CTBP2: variants seen among roughly 807,000 people sequenced by gnomAD.
The protein encoded by CTBP2 is C-terminal binding protein 2, also known as C-terminal-binding protein 2.
Under a neutral mutation model 80.3 loss-of-function variants are expected in CTBP2, and 30 were observed. The observed-to-expected ratio is 0.37, with a 90% CI of 0.28 to 0.51. The LOEUF (loss-of-function observed/expected upper bound fraction) is 0.51, where lower values mean the gene tolerates loss of function less well. Ranked by LOEUF, CTBP2 falls within the 20% of genes least tolerant of loss-of-function variation. CTBP2 has a pLI of 0.93. For synonymous variants in CTBP2, 594 were observed against 587.4 expected (o/e 1.01, Z -0.16); for missense variants, 1,212 against 1,375.3 (o/e 0.88, Z 1.88).
At chr10:125,093,088 C>G (rs75685420) in intron 2 of CTBP2, among the ~76,000 whole-genome samples, 181 of 152,328 alleles carry the variant, frequency 1.2e-3, no homozygotes, top group African/African-American at 3.7e-3. Context: ...AGTATCTCAG[C>G]CCCCTTCATC....
chr10:125,083,764 C>T (rs1225467730), intron 2 of CTBP2, among the ~76,000 whole-genome samples: 2 of 152,292 alleles, frequency 1.3e-5, no homozygotes, highest in East Asian at 1.9e-4. Flanking sequence ...CACGCACCAT[C>T]ACACCCAGCT....
At position 125,071,633 on chromosome 10, in the gene CTBP2, G is replaced by A. The variant is rs76586318; in HGVS notation, c.-101-32478C>T. Among the ~76,000 whole-genome samples, 184 of 152,296 alleles carry A rather than the reference G, an allele frequency of 1.2e-3. 1 individual carries two copies. The East Asian group carries it at 0.031, about 26-fold the overall frequency. On this transcript the variant is annotated intron_variant, in intron 2 of 10. Transcript: ENST00000337195. Reference sequence around the variant, plus strand: ...AAGGAACAGGAGAATGGACCAGTCCGCCAGGTTTTGAAGAGCTTTTTTAGA... The same window carrying A: ...AAGGAACAGGAGAATGGACCAGTCCACCAGGTTTTGAAGAGCTTTTTTAGA...
At chr10:125,061,786 T>C (rs1965019596) in intron 2 of CTBP2, among the ~76,000 whole-genome samples, 1 of 152,140 alleles carries the variant, frequency 6.6e-6, no homozygotes, top group African/African-American at 2.4e-5. Context: ...TCACTGCAAC[T>C]GTCACACCCT....
At chr10:125,135,640 GCACACAGGCAC>G in intron 1 of CTBP2, among the ~76,000 whole-genome samples, 2 of 152,228 alleles carry the variant, frequency 1.3e-5, no homozygotes, top group Non-Finnish European at 2.9e-5. Context: ...CCATCCCCAC[GCACACAGGCAC>G]CTCACCCTAT....
intron 1 of CTBP2, among the ~76,000 whole-genome samples, chr10:125,150,281 T>C (rs1172860185): frequency 6.6e-6 from 1 of 152,158 alleles, no homozygotes; most frequent in African/African-American, 2.4e-5. Context: ...TCTTACCTAT[T>C]GATGAAATGA....
intron 1 of CTBP2, among the ~76,000 whole-genome samples, chr10:125,117,703 T>C (rs2135994216): frequency 6.6e-6 from 1 of 152,380 alleles, no homozygotes; most frequent in East Asian, 1.9e-4. Context: ...TGCTGGATTA[T>C]TCCTTCCCGA....
intron 1 of CTBP2, among the ~76,000 whole-genome samples, chr10:125,008,850 A>C (rs1204879575): frequency 6.6e-6 from 1 of 152,256 alleles, no homozygotes; most frequent in East Asian, 1.9e-4. Flanking sequence ...AATTTAGCCT[A>C]AATATTTGCC....
Position 125,066,859 on chromosome 10 carries a change from G to A in CTBP2, c.-101-27704C>T, listed in dbSNP as rs958108968. 1.3e-5 allele frequency among the ~76,000 whole-genome samples: 2 copies of A among 152,152 alleles called. No individual in the cohort carries two copies. The highest frequency in any genetic ancestry group is 2.4e-5 in the African/African-American group (1 of 41,420). ...ACTCGAGAATCCAGAAGTCTCCAGG[G>A]AAGCCCAGTGTGTGCGACGTGCCTC... is the stretch of plus-strand genomic sequence containing the variant. On this transcript the variant is annotated intron_variant, in intron 2 of 10. Coordinates refer to the CTBP2 transcript ENST00000337195. The surrounding 1 kb of genome is among the most constrained non-coding windows in gnomAD (Gnocchi z 4.1).
intron 2 of CTBP2, among the ~76,000 whole-genome samples, chr10:125,049,207 G>A (rs890107003): frequency 2.0e-5 from 3 of 152,196 alleles, no homozygotes; most frequent in African/African-American, 7.2e-5. Context: ...GGAGAAGAAT[G>A]GGAGGGGCTG....
chr10:125,002,307 C>G (rs753295680), intron 3 of CTBP2, among the ~76,000 whole-genome samples: 1 of 152,202 alleles, frequency 6.6e-6, no homozygotes, highest in African/African-American at 2.4e-5. Flanking sequence ...CGAGCTCACA[C>G]GGGGTGCTGG....
At position 125,027,956 on chromosome 10, in the gene CTBP2, A is replaced by C; in HGVS notation, c.-197T>G. 7.2e-6 allele frequency: 10 copies of C among 1,387,534 alleles called. No individual in the cohort carries two copies. Among genetic ancestry groups the C allele is most frequent in the Non-Finnish European group, 9.3e-6 (10 of 1,071,078 alleles). 86.0% of individuals were successfully genotyped at this position (1,387,534 alleles called of 1,614,324 possible). ...CCTTAGCAGACAAAACATAAGACTC[A>C]CGGTAACTTTGCCTCACTCCCCAAC... is the stretch of plus-strand genomic sequence containing the variant. On this transcript the variant is annotated 5_prime_UTR_variant, in exon 1 of 9. Transcript: ENST00000309035.
chr10:125,001,747 C>G (rs1954539434), intron 3 of CTBP2, among the ~76,000 whole-genome samples: 1 of 152,188 alleles, frequency 6.6e-6, no homozygotes, highest in South Asian at 2.1e-4. Flanking sequence ...CGCCCGGCTC[C>G]CCAGCCCTGC....
intron 1 of CTBP2, among the ~76,000 whole-genome samples, chr10:125,013,155 C>T (rs1378911448): frequency 6.6e-6 from 1 of 152,144 alleles, no homozygotes; most frequent in African/African-American, 2.4e-5. Flanking sequence ...GCCCAAGCTC[C>T]GAGTTGTGAG....
In CTBP2 at chr10:124,986,814, C is replaced by T. The variant is rs1952056701; in HGVS notation, c.*2704G>A. The T allele has an allele frequency of 6.6e-6, 1 of 152,122 alleles. No individual in the cohort carries two copies. Among genetic ancestry groups the T allele is most frequent in the Non-Finnish European group, 1.5e-5 (1 of 68,024 alleles). 9.4% of individuals were successfully genotyped at this position (152,122 alleles called of 1,614,324 possible). Reference sequence around the variant, plus strand: ...TGCCTGTTAAGCAAAATCTGCCCTCCCAATTGAAAAAGCCAAAGAGAATTG... The same window carrying T: ...TGCCTGTTAAGCAAAATCTGCCCTCTCAATTGAAAAAGCCAAAGAGAATTG... On this transcript the variant is annotated 3_prime_UTR_variant, in exon 9 of 9. Transcript: ENST00000309035.
At chr10:125,041,035 T>C (rs1033839892) in intron 2 of CTBP2, among the ~76,000 whole-genome samples, 1 of 152,250 alleles carries the variant, frequency 6.6e-6, no homozygotes, top group Non-Finnish European at 1.5e-5. Flanking sequence ...GGGGTTACCC[T>C]TGAGCAGATC....
At chr10:124,999,408 C>T (rs1238062501) in intron 3 of CTBP2, 2 of 152,284 alleles carry the variant, frequency 1.3e-5, no homozygotes, top group Non-Finnish European at 2.9e-5. Flanking sequence ...ACGGCAATCA[C>T]CAAGGCAGCT....
chr10:125,097,370 A>G (rs1416166789), intron 2 of CTBP2, among the ~76,000 whole-genome samples: 2 of 152,260 alleles, frequency 1.3e-5, no homozygotes, highest in Non-Finnish European at 2.9e-5. Flanking sequence ...AGGAGAAAGC[A>G]GCAGCACAGT....
intron 2 of CTBP2, among the ~76,000 whole-genome samples, chr10:125,102,977 T>C (rs902882132): frequency 1.3e-5 from 2 of 151,896 alleles, no homozygotes; most frequent in African/African-American, 4.8e-5. Flanking sequence ...GGCGGGAGAG[T>C]ACAGCTGGGT....
At chr10:125,076,612 CT>C (rs1846310014) in intron 2 of CTBP2, among the ~76,000 whole-genome samples, 2 of 152,224 alleles carry the variant, frequency 1.3e-5, no homozygotes, top group African/African-American at 4.8e-5. Context: ...GCAGCACAGA[CT>C]TCACTTTCCG....
Sources: allele counts gnomAD v4.1 joint callset (sites outside exome capture counted in the v4.1 genomes callset), GRCh38; gene constraint gnomAD v4.1.1; non-coding constraint Gnocchi (gnomAD v3.1); transcripts MANE v1.5; gene names NCBI Gene and HGNC (gene_info 2026-07-23, HGNC 2026-07-21).